POLR1C: variants seen among roughly 807,000 people sequenced by gnomAD.
POLR1C encodes the protein RNA polymerase I and III subunit C.
Under a neutral mutation model 38.3 loss-of-function variants are expected in POLR1C, and 42 were observed. The observed-to-expected ratio is 1.10, with a 90% confidence interval of 0.86 to 1.42. The LOEUF (loss-of-function observed/expected upper bound fraction) is 1.42. Among genes scored for constraint, POLR1C ranks in the 40% most tolerant of loss-of-function variants. The probability of loss-of-function intolerance (pLI) is 0.00; values close to 1 mark genes in which losing one functional copy is unlikely to be tolerated. For missense variants in POLR1C, 507 were observed against 450.5 expected (o/e 1.13, Z -1.14); for synonymous variants, 163 against 163.9 (o/e 0.99, Z 0.04).
chr6:43,520,831 T>C, intron 7 of POLR1C, 57 bp downstream of exon 7: 1 of 1,608,562 alleles, frequency 6.2e-7, no homozygotes, highest in Non-Finnish European at 8.5e-7. Context: ...TCTTTCAAGG[T>C]GACAGAAATA....
intron 8 of POLR1C, chr6:43,528,971 T>G: frequency 2.5e-5 from 38 of 1,549,000 alleles, no homozygotes; most frequent in Non-Finnish European, 3.0e-5. Flanking sequence ...CACACATCTC[T>G]CACCTGCCAG....
exon 11 of POLR1C, chr6:43,562,183 A>T (rs58633664): frequency 1.5e-6 from 2 of 1,363,270 alleles, no homozygotes; most frequent in African/African-American, 2.9e-5. Flanking sequence ...TCATTGAAAC[A>T]TAAGTTTCTA....
At chr6:43,551,511 T>C in intron 10 of POLR1C, 1 of 1,585,072 alleles carries the variant, frequency 6.3e-7, no homozygotes, top group Non-Finnish European at 8.6e-7. Context: ...AAATAACCAT[T>C]TTGGCTACAT....
At chr6:43,526,709 T>C (rs370685034) in intron 8 of POLR1C, 1 of 1,613,968 alleles carries the variant, frequency 6.2e-7, no homozygotes, top group South Asian at 1.1e-5. Flanking sequence ...GGGGGAGCAC[T>C]ACTGTGGTCA....
At chr6:43,540,554 G>T (rs1024578211) in intron 9 of POLR1C, among the ~76,000 whole-genome samples, 5 of 152,252 alleles carry the variant, frequency 3.3e-5, no homozygotes, top group Non-Finnish European at 5.9e-5. Context: ...TCAGGAGGCT[G>T]AGACAGGAGA....
chr6:43,522,648 C>G (rs1793263585), downstream of POLR1C: 1 of 442,862 alleles, frequency 2.3e-6, no homozygotes. Flanking sequence ...TCAATCTGAC[C>G]CTGCCTGTGG....
chr6:43,522,703 G>A (rs542784055), downstream of POLR1C: 81 of 498,764 alleles, frequency 1.6e-4, no homozygotes, highest in South Asian at 7.3e-4. Flanking sequence ...TTCGGCTCTC[G>A]GGGAAACCCT....
At chr6:43,526,157 G>A (rs944556343), downstream of POLR1C, 2 of 519,530 alleles carry the variant, frequency 3.8e-6, no homozygotes, top group Admixed American at 6.9e-5. Context: ...AACACAAAAT[G>A]CTGCAAATAC....
At chr6:43,553,859 A>T (rs1211294385) in intron 10 of POLR1C, among the ~76,000 whole-genome samples, 1 of 152,182 alleles carries the variant, frequency 6.6e-6, no homozygotes, top group African/African-American at 2.4e-5. Context: ...ATAAACATGA[A>T]TTAGTTTCTC....
At chr6:43,548,577 A>G in intron 9 of POLR1C, 1 of 923,698 alleles carries the variant, frequency 1.1e-6, no homozygotes, top group Non-Finnish European at 1.5e-6. Context: ...TCAGGCCTAT[A>G]AGGTTATTAT....
chr6:43,524,660 C>T, downstream of POLR1C: 1 of 1,609,598 alleles, frequency 6.2e-7, no homozygotes, highest in Non-Finnish European at 8.5e-7. Flanking sequence ...GATAAACTTA[C>T]TGGATGTAGG....
Position 43,520,613 on chromosome 6 carries a change from C to T in POLR1C, c.656-12C>T, listed in dbSNP as rs1561858096. ...AGGGTTTCCTATAGGCACGTTCCCT[C>T]TTCCTCTCCAGGCAAAGATCATGCC... is the stretch of plus-strand genomic sequence containing the variant. On this transcript the variant is annotated splice_polypyrimidine_tract_variant and intron_variant, in intron 6 of 8. Coordinates refer to ENST00000642195, the MANE Select transcript of POLR1C (RefSeq NM_203290.4). 1 of 1,614,180 alleles carries T rather than the reference C, an allele frequency of 6.2e-7. No homozygotes were observed. Among genetic ancestry groups the T allele is most frequent in the African/African-American group, 1.3e-5 (1 of 75,048 alleles).
chr6:43,522,109 G>A (rs1163014192), downstream of POLR1C, among the ~76,000 whole-genome samples: 2 of 152,096 alleles, frequency 1.3e-5, no homozygotes, highest in Admixed American at 6.5e-5. Context: ...CTGTGGGCCA[G>A]GCCCAGCAGC....
Position 43,519,345 on chromosome 6 carries a change from G to T in POLR1C, c.154G>T (p.Asp52Tyr). The T allele has an allele frequency of 6.2e-7, 1 of 1,607,408 alleles. No homozygotes were observed. Among genetic ancestry groups the T allele is most frequent in the Non-Finnish European group, 8.5e-7 (1 of 1,173,864 alleles). Reference sequence around the variant, plus strand: ...CCTGTCCCTCTAGAATTTCCGTGTGGATGTAGTACACATGGATGAAAACTC... The same window carrying T: ...CCTGTCCCTCTAGAATTTCCGTGTGTATGTAGTACACATGGATGAAAACTC... Reference protein sequence around the residue: ...QDRFEKNFRVDVVHMDENSLE... With the variant: ...QDRFEKNFRVYVVHMDENSLE... The change falls in exon 3 of 9, where the codon GAT (aspartate) becomes TAT (tyrosine). Residue 52 changes from aspartate to tyrosine, a missense_variant. Physicochemically the swap from Asp to Tyr is radical, Grantham distance 160 (BLOSUM62 -3). Transcript: ENST00000642195.
chr6:43,519,640 G>T (rs1052657367), intron 3 of POLR1C, 66 bp from the exon 4 acceptor site: 2 of 1,608,652 alleles, frequency 1.2e-6, no homozygotes, highest in Non-Finnish European at 1.7e-6. Context: ...TGGAGGTTGG[G>T]GTTACGGGGA....
At chr6:43,550,651 C>G (rs751576126) in intron 9 of POLR1C, among the ~76,000 whole-genome samples, 15 of 152,240 alleles carry the variant, frequency 9.9e-5, no homozygotes, top group Non-Finnish European at 1.6e-4. Context: ...TTTCTAGAGT[C>G]TAGATCTTCA....
intron 9 of POLR1C, among the ~76,000 whole-genome samples, chr6:43,543,473 A>G (rs112431276): frequency 0.017 from 2,594 of 152,074 alleles, 32 homozygotes; most frequent in Non-Finnish European, 0.028. Context: ...AAGTAAGTAA[A>G]TAAATAAATA....
At chr6:43,520,861 A>C in intron 7 of POLR1C, 71 bp from the exon 8 acceptor site, 1 of 1,600,522 alleles carries the variant, frequency 6.2e-7, no homozygotes, top group Non-Finnish European at 8.6e-7. Flanking sequence ...GGCTCCTAAA[A>C]GTATAACCTG....
chr6:43,528,338 C>T, intron 8 of POLR1C: 1 of 806,162 alleles, frequency 1.2e-6, no homozygotes, highest in East Asian at 2.7e-5. Flanking sequence ...CTTCTGTAGA[C>T]TCCACACCAC....
Sources: gnomAD v4.1 joint callset for allele counts (sites outside exome capture counted in the v4.1 genomes callset) on GRCh38, gnomAD v4.1.1 for gene constraint, MANE v1.5 for transcripts, NCBI Gene and HGNC (gene_info 2026-07-23, HGNC 2026-07-21) for gene names.